The following CDH23 variants were observed in gnomAD, a reference collection of about 807,000 sequenced individuals.
The protein encoded by CDH23 is cadherin related 23.
CDH23 carries 189 observed loss-of-function variants against 317.1 expected under a neutral mutation model. That is an observed-to-expected ratio of 0.60 (90% CI 0.53 to 0.67). The LOEUF is 0.67. CDH23 is among the 30% of genes least tolerant of loss of function. The pLI, the probability that CDH23 is intolerant of heterozygous loss-of-function variation, is 0.00. For synonymous variants in CDH23, 1,839 were observed against 1,876.8 expected (o/e 0.98, Z 0.52); for missense variants, 4,401 against 4,592.4 (o/e 0.96, Z 1.20).
intron 6 of CDH23, among the ~76,000 whole-genome samples, chr10:71,562,747 G>A (rs1857197760): frequency 6.6e-6 from 1 of 152,344 alleles, no homozygotes; most frequent in African/African-American, 2.4e-5. Flanking sequence ...AGGGTGGGAG[G>A]CTCTTGGAGG....
chr10:71,756,415 T>C (rs1840149865), intron 38 of CDH23, among the ~76,000 whole-genome samples: 1 of 152,224 alleles, frequency 6.6e-6, no homozygotes, highest in South Asian at 2.1e-4. Context: ...CCCCTGTTGG[T>C]AGACATGTTG....
At chr10:71,574,786 C>T (rs1858062988) in intron 8 of CDH23, among the ~76,000 whole-genome samples, 1 of 152,262 alleles carries the variant, frequency 6.6e-6, no homozygotes. Flanking sequence ...CCCCACTGCC[C>T]GGGCCTCAGA....
chr10:71,760,798 AGGGTCTG>A, intron 38 of CDH23: 1 of 1,470,462 alleles, frequency 6.8e-7, no homozygotes, highest in South Asian at 1.1e-5. Context: ...AGTTCCAAAC[AGGGTCTG>A]GGTGCAGGAT....
chr10:71,803,551 ACT>A, intron 55 of CDH23, 131 bp downstream of exon 55: 1 of 804,726 alleles, frequency 1.2e-6, no homozygotes, highest in Non-Finnish European at 1.9e-6. Flanking sequence ...GAAAAAAAAA[ACT>A]TTTTTAATTA....
chr10:71,689,866 T>A (rs951283151), intron 19 of CDH23, among the ~76,000 whole-genome samples: 2 of 152,062 alleles, frequency 1.3e-5, no homozygotes, highest in African/African-American at 4.8e-5. Context: ...GGCAGTTGGG[T>A]GGCAGGAGGG....
At chr10:71,759,680 G>A (rs533102029) in intron 38 of CDH23, among the ~76,000 whole-genome samples, 23 of 151,764 alleles carry the variant, frequency 1.5e-4, no homozygotes, top group African/African-American at 5.3e-4. Context: ...TGTGGTGCAC[G>A]CCTGTAATCT....
intron 11 of CDH23, among the ~76,000 whole-genome samples, chr10:71,637,719 C>T (rs533444097): frequency 6.6e-6 from 1 of 152,254 alleles, no homozygotes; most frequent in South Asian, 2.1e-4. Flanking sequence ...CCCCACTCCG[C>T]ACTCCAGATT....
chr10:71,728,351 C>T (rs1866908574), intron 30 of CDH23, among the ~76,000 whole-genome samples: 1 of 152,082 alleles, frequency 6.6e-6, no homozygotes, highest in Admixed American at 6.5e-5. Flanking sequence ...CACAGCAGAG[C>T]TTTGGGAACC....
At chr10:71,549,461 G>A (rs1029887798) in intron 6 of CDH23, among the ~76,000 whole-genome samples, 2 of 152,246 alleles carry the variant, frequency 1.3e-5, no homozygotes, top group Non-Finnish European at 2.9e-5. Context: ...CTGCTCTGGG[G>A]CATCCCTGTC....
intron 38 of CDH23, among the ~76,000 whole-genome samples, chr10:71,760,015 A>G (rs1278999748): frequency 1.6e-4 from 18 of 111,108 alleles, no homozygotes; most frequent in Non-Finnish European, 2.6e-4. Context: ...ATATATACAC[A>G]CACACATATA....
intron 3 of CDH23, among the ~76,000 whole-genome samples, chr10:71,498,086 C>G (rs534353970): frequency 6.6e-6 from 1 of 152,318 alleles, no homozygotes; most frequent in Admixed American, 6.5e-5. Flanking sequence ...GACCTCTGCA[C>G]TTTGGCCATT....
chr10:71,570,242 G>A (rs1857697238), intron 7 of CDH23, among the ~76,000 whole-genome samples: 1 of 152,152 alleles, frequency 6.6e-6, no homozygotes, highest in Non-Finnish European at 1.5e-5. Context: ...CAAAGCAAGG[G>A]ACTCATGAAT....
intron 61 of CDH23, 85 bp downstream of exon 61, chr10:71,810,161 C>A: frequency 6.6e-7 from 1 of 1,515,638 alleles, no homozygotes; most frequent in Non-Finnish European, 9.0e-7. Flanking sequence ...GGGCATTGTG[C>A]AAAGGCCAGG....
chr10:71,809,901 G>A lies in CDH23; in HGVS notation c.8804G>A (p.Arg2935Gln), dbSNP rs756521070. ...PGYFVVDIVARDLAGHNDTAI... is the reference protein window; with the variant it reads ...PGYFVVDIVAQDLAGHNDTAI... The stretch of plus-strand genomic sequence containing the variant: ...TACTTCGTGGTGGACATTGTGGCCC[G>A]AGACCTGGCAGGCCACAACGACACG... The change falls in exon 61 of 70, where the codon CGA becomes CAA. Residue 2935 changes from arginine (R) to glutamine (Q), a missense_variant. Around this residue, in one of 3 missense-constraint regions of CDH23, gnomAD observed 1,144 missense variants for 1,138.2 expected, o/e 1.01. Coordinates refer to ENST00000224721, the MANE Select transcript of CDH23 (RefSeq NM_022124.6). 19 of 1,613,132 alleles carry A rather than the reference G, an allele frequency of 1.2e-5. No homozygotes were observed. Among genetic ancestry groups the A allele is most frequent in the East Asian group, 2.2e-5 (1 of 44,890 alleles).
At chr10:71,459,097 T>C (rs1473673615) in intron 3 of CDH23, among the ~76,000 whole-genome samples, 2 of 145,778 alleles carry the variant, frequency 1.4e-5, no homozygotes, top group African/African-American at 5.1e-5. Flanking sequence ...TTTTTTTTTT[T>C]TTTTTTGTGA....
rs377614198 is a variant in CDH23, at chr10:71,725,366, A to T, written c.3431-6A>T. 3.1e-5 allele frequency: 50 copies of T among 1,614,036 alleles called. No homozygotes were observed. The African/African-American group carries it at 5.7e-4, about 18-fold the overall frequency. ...GGTGTTCCAGGGGGTCTGTCCCTCC[A>T]CACAGGTAACCATGGCAACAACTTC... On this transcript the variant is annotated splice_region_variant and splice_polypyrimidine_tract_variant and intron_variant, in intron 29 of 69. Transcript: ENST00000224721.
At chr10:71,403,237 CAATCAACA>C (rs1847868237) in intron 1 of CDH23, among the ~76,000 whole-genome samples, 1 of 152,136 alleles carries the variant, frequency 6.6e-6, no homozygotes, top group African/African-American at 2.4e-5. Context: ...TCCATGTTCC[CAATCAACA>C]GTTGAACAGT....
At chr10:71,420,034 G>A (rs1848682683) in intron 1 of CDH23, among the ~76,000 whole-genome samples, 1 of 152,168 alleles carries the variant, frequency 6.6e-6, no homozygotes, top group Admixed American at 6.5e-5. Context: ...TGCTCAGGAA[G>A]GGTTTATTGA....
At chr10:71,651,688 C>A (rs544463457) in intron 14 of CDH23, among the ~76,000 whole-genome samples, 18 of 152,284 alleles carry the variant, frequency 1.2e-4, no homozygotes, top group Admixed American at 1.1e-3. Flanking sequence ...GGCTGTTTCT[C>A]TTCTTCCCAA....
Sources: allele counts gnomAD v4.1 joint callset (sites outside exome capture counted in the v4.1 genomes callset), GRCh38; gene constraint gnomAD v4.1.1; regional missense constraint gnomAD v4.1.1; transcripts MANE v1.5; gene names NCBI Gene and HGNC (gene_info 2026-07-23, HGNC 2026-07-21).